The following GPC6 variants were observed in gnomAD, a reference collection of about 807,000 sequenced individuals.
GPC6 encodes the protein glypican 6.
In GPC6, 14 loss-of-function variants were observed where a neutral mutation model predicts 55.2. That is an observed-to-expected ratio of 0.25 (90% CI 0.17 to 0.40). GPC6 has a LOEUF of 0.40. Among genes scored for constraint, GPC6 ranks in the 10% least tolerant of loss-of-function variants. The pLI is 1.00. For missense variants in GPC6, 641 were observed against 708.5 expected (o/e 0.90, Z 1.08); for synonymous variants, 278 against 259.6 (o/e 1.07, Z -0.68).
chr13:93,346,620 A>G (rs1385874464), intron 1 of GPC6, among the ~76,000 whole-genome samples: 1 of 152,188 alleles, frequency 6.6e-6, no homozygotes, highest in African/African-American at 2.4e-5. Flanking sequence ...TAGCGTATGA[A>G]TAAATTTGGG....
intron 1 of GPC6, among the ~76,000 whole-genome samples, chr13:93,286,372 A>G (rs550007257): frequency 1.3e-5 from 2 of 152,344 alleles, no homozygotes; most frequent in East Asian, 1.9e-4. Context: ...CCTTATGCTA[A>G]CAACCTAGGC....
chr13:93,337,291 G>A (rs576566949), intron 1 of GPC6, among the ~76,000 whole-genome samples: 1 of 152,258 alleles, frequency 6.6e-6, no homozygotes, highest in South Asian at 2.1e-4. Context: ...ACTCTATGAA[G>A]GTTTATTATG....
intron 2 of GPC6, among the ~76,000 whole-genome samples, chr13:93,743,091 C>T (rs1884265245): frequency 6.6e-6 from 1 of 152,112 alleles, no homozygotes; most frequent in African/African-American, 2.4e-5. Context: ...AAATGGTGGT[C>T]TATGAGTAGA....
intron 1 of GPC6, among the ~76,000 whole-genome samples, chr13:93,356,405 C>T (rs373721979): frequency 2.6e-5 from 4 of 152,112 alleles, no homozygotes; most frequent in East Asian, 1.9e-4. Context: ...GCAAATTATT[C>T]CATAAATGGG....
intron 1 of GPC6, among the ~76,000 whole-genome samples, chr13:93,539,063 A>G (rs1028392579): frequency 9.9e-5 from 15 of 152,150 alleles, no homozygotes; most frequent in African/African-American, 1.4e-4. Flanking sequence ...ATATCTCCCA[A>G]TATTCTTTTG....
At chr13:93,371,877 T>C (rs560636211) in intron 1 of GPC6, among the ~76,000 whole-genome samples, 7 of 152,292 alleles carry the variant, frequency 4.6e-5, no homozygotes, top group South Asian at 2.1e-4. Flanking sequence ...TAGAATTCAT[T>C]GTTAGCCTTA....
At chr13:93,452,735 C>T (rs1451516445) in intron 1 of GPC6, among the ~76,000 whole-genome samples, 3 of 152,126 alleles carry the variant, frequency 2.0e-5, no homozygotes, top group Non-Finnish European at 2.9e-5. Flanking sequence ...TCAAACAGAA[C>T]ATGGATTAAA....
intron 2 of GPC6, among the ~76,000 whole-genome samples, chr13:93,744,528 CTTTTTT>C (rs71736430): frequency 7.9e-4 from 77 of 97,234 alleles, no homozygotes; most frequent in African/African-American, 3.0e-3. Context: ...TTTCCCTAGT[CTTTTTT>C]TTTTTTTTTT....
intron 1 of GPC6, among the ~76,000 whole-genome samples, chr13:93,509,808 A>G (rs2139382634): frequency 6.6e-6 from 1 of 152,254 alleles, no homozygotes; most frequent in Non-Finnish European, 1.5e-5. Flanking sequence ...AGTGCCTGCT[A>G]TTGCATTTTA....
chr13:93,486,976 CACAAAAAA>C (rs1378421702), intron 1 of GPC6, among the ~76,000 whole-genome samples: 4 of 150,108 alleles, frequency 2.7e-5, no homozygotes, highest in South Asian at 2.1e-4. Context: ...CCCCAAAAAA[CACAAAAAA>C]ACAAAAAAAC....
chr13:93,660,269 G>A (rs911015765), intron 2 of GPC6, among the ~76,000 whole-genome samples: 2 of 151,932 alleles, frequency 1.3e-5, no homozygotes, highest in Non-Finnish European at 2.9e-5. Flanking sequence ...AATTTTCCTG[G>A]CTATCAATGT....
chr13:93,821,634 A>G (rs1377848017), intron 2 of GPC6, among the ~76,000 whole-genome samples: 1 of 152,184 alleles, frequency 6.6e-6, no homozygotes, highest in African/African-American at 2.4e-5. Flanking sequence ...CCTTTATTAG[A>G]ACTCCATTTT....
intron 3 of GPC6, among the ~76,000 whole-genome samples, chr13:93,909,591 A>C (rs377483148): frequency 6.6e-6 from 1 of 152,166 alleles, no homozygotes; most frequent in African/African-American, 2.4e-5. Flanking sequence ...TTATCCTTCT[A>C]TCTGATCAAG....
chr13:93,569,038 G>A (rs1423423025), intron 2 of GPC6, among the ~76,000 whole-genome samples: 9 of 152,138 alleles, frequency 5.9e-5, no homozygotes, highest in African/African-American at 1.4e-4. Context: ...TACAAAGAAC[G>A]CTTTAGCATA....
At chr13:93,765,498 A>G (rs1462089174) in intron 2 of GPC6, among the ~76,000 whole-genome samples, 1 of 152,020 alleles carries the variant, frequency 6.6e-6, no homozygotes, top group South Asian at 2.1e-4. Context: ...TTTAAAAAAA[A>G]TGAGATGAGT....
intron 2 of GPC6, among the ~76,000 whole-genome samples, chr13:93,568,403 T>A (rs1876242424): frequency 6.6e-6 from 1 of 152,202 alleles, no homozygotes; most frequent in Admixed American, 6.5e-5. Context: ...TGATTTTGAT[T>A]CCTTAATACT....
intron 1 of GPC6, among the ~76,000 whole-genome samples, chr13:93,364,018 G>A (rs998410324): frequency 7.9e-5 from 12 of 151,980 alleles, no homozygotes; most frequent in African/African-American, 2.2e-4. Context: ...TGAGTTCATT[G>A]TAGATTCTGG....
At chr13:93,848,033 AAC>A (rs1566567420) in intron 3 of GPC6, among the ~76,000 whole-genome samples, 2 of 152,116 alleles carry the variant, frequency 1.3e-5, no homozygotes, top group African/African-American at 4.8e-5. Context: ...CAGTTTTTTG[AAC>A]ACAACATTGA....
At chr13:93,505,245 G>A (rs1230537853) in intron 1 of GPC6, among the ~76,000 whole-genome samples, 2 of 152,162 alleles carry the variant, frequency 1.3e-5, no homozygotes, top group African/African-American at 4.8e-5. Flanking sequence ...ATTTTTTGCA[G>A]TAGTTATGAT....
Sources: gnomAD v4.1 joint callset for allele counts (sites outside exome capture counted in the v4.1 genomes callset) on GRCh38, gnomAD v4.1.1 for gene constraint, MANE v1.5 for transcripts, NCBI Gene and HGNC (gene_info 2026-07-23, HGNC 2026-07-21) for gene names.